The following CASD1 variants were observed in gnomAD, a reference collection of about 807,000 sequenced individuals.
CASD1 encodes N-acetylneuraminate (7)9-O-acetyltransferase.
In CASD1, 41 loss-of-function variants were observed where a neutral mutation model predicts 100.0. That is an observed-to-expected ratio of 0.41 (90% CI 0.32 to 0.53). The LOEUF is 0.53. CASD1 is among the 20% of genes least tolerant of loss of function. The probability of loss-of-function intolerance (pLI) is 0.25; values close to 1 mark genes in which losing one functional copy is unlikely to be tolerated. For synonymous variants in CASD1, 321 were observed against 315.6 expected, an observed-to-expected ratio of 1.02 and a Z score of -0.18; for missense variants, 774 against 948.7, an observed-to-expected ratio of 0.82 and a Z score of 2.42.
At chr7:94,591,254 GA>G in the CASD1 span, among the ~76,000 whole-genome samples, 6 of 152,162 alleles carry the variant, frequency 3.9e-5, no homozygotes, top group Non-Finnish European at 8.8e-5. Context: ...CTTTACTACA[GA>G]AGTCAAAATG....
the CASD1 span, among the ~76,000 whole-genome samples, chr7:94,577,671 C>G: frequency 6.6e-6 from 1 of 152,158 alleles, no homozygotes; most frequent in African/African-American, 2.4e-5. Flanking sequence ...AAATCTCATT[C>G]CCTAAGCTTT....
the CASD1 span, among the ~76,000 whole-genome samples, chr7:94,611,841 A>T: frequency 6.6e-6 from 1 of 152,206 alleles, no homozygotes; most frequent in Non-Finnish European, 1.5e-5. Context: ...TTTAAGACTC[A>T]TTTGAAAGAT....
At chr7:94,538,143 C>A (rs1795209717) in intron 9 of CASD1, among the ~76,000 whole-genome samples, 1 of 152,106 alleles carries the variant, frequency 6.6e-6, no homozygotes, top group South Asian at 2.1e-4. Context: ...AAAAAGATTT[C>A]ATGACTTAGT....
the CASD1 span, among the ~76,000 whole-genome samples, chr7:94,606,583 T>C: frequency 2.0e-5 from 3 of 152,138 alleles, no homozygotes; most frequent in Admixed American, 1.3e-4. Flanking sequence ...AGGCAGAAAA[T>C]TGGTAAAGAC....
intron 13 of CASD1, among the ~76,000 whole-genome samples, chr7:94,548,551 CTATTTT>C (rs1795792359): frequency 6.6e-6 from 1 of 151,648 alleles, no homozygotes; most frequent in Non-Finnish European, 1.5e-5. Context: ...TTGATATAAC[CTATTTT>C]TAATATGCTA....
chr7:94,510,225 GGC>G lies in CASD1; in HGVS notation c.133+9_133+10del. 1 of 1,487,344 alleles carries G rather than the reference GGC, an allele frequency of 6.7e-7. No homozygotes were observed. Among genetic ancestry groups the G allele is most frequent in the South Asian group, 1.3e-5 (1 of 78,290 alleles). The allele number at this position is 1,487,344 out of a possible 1,614,324, so 92.1% of individuals were successfully genotyped here. A position where few individuals can be genotyped will look rare whatever the true frequency, so the allele number is the denominator to read the frequency against. On this transcript the variant is annotated intron_variant, in intron 1 of 17. Coordinates refer to ENST00000297273, the MANE Select transcript of CASD1 (RefSeq NM_022900.5). ...CCTCCCGCCGCTACCGAGGTGAGCG[GGC>G]CCTCCCCTCTGCCCGGGCAGGCCGT...
the CASD1 span, chr7:94,620,221 G>A: frequency 6.6e-6 from 1 of 151,990 alleles, no homozygotes; most frequent in East Asian, 1.9e-4. Context: ...GACATTTGAT[G>A]CCTGAGATGA....
the CASD1 span, among the ~76,000 whole-genome samples, chr7:94,575,744 G>T: frequency 6.6e-6 from 1 of 151,968 alleles, no homozygotes; most frequent in African/African-American, 2.4e-5. Context: ...AAATAAGTTT[G>T]CTGGATATAA....
the CASD1 span, chr7:94,600,945 G>T: frequency 9.0e-7 from 1 of 1,108,164 alleles, no homozygotes; most frequent in Non-Finnish European, 1.3e-6. Context: ...AGCATTCTTT[G>T]ACAAATTATC....
At chr7:94,585,613 T>A in the CASD1 span, 28 of 814,202 alleles carry the variant, frequency 3.4e-5, no homozygotes, top group Non-Finnish European at 4.9e-5. Context: ...AAAGTTTCCA[T>A]CTTCTTAATA....
At chr7:94,521,379 AAAT>A (rs1469806768) in intron 3 of CASD1, among the ~76,000 whole-genome samples, 1 of 152,220 alleles carries the variant, frequency 6.6e-6, no homozygotes, top group Non-Finnish European at 1.5e-5. Context: ...TGTTTGTATA[AAAT>A]AATAATATCT....
At position 94,510,104 on chromosome 7, in the gene CASD1, A is replaced by T; in HGVS notation, c.20A>T (p.Asn7Ile). The T allele has an allele frequency of 6.5e-7, 1 of 1,528,092 alleles. No individual in the cohort carries two copies. The highest frequency in any genetic ancestry group is 8.8e-7 in the Non-Finnish European group (1 of 1,136,108). The allele number at this position is 1,528,092 out of a possible 1,614,324, so 94.7% of individuals were successfully genotyped here. A position where few individuals can be genotyped will look rare whatever the true frequency, so the allele number is the denominator to read the frequency against. Reference protein sequence around the residue: MAALAYNLGKREINHYF... With the variant: MAALAYILGKREINHYF... ...ACCAAGATGGCGGCTCTGGCCTACA[A>T]CCTGGGCAAGCGGGAGATCAACCAC... Residue 7 changes from asparagine to isoleucine, a missense_variant, in exon 1 of 18, where the codon AAC becomes ATC. Asn to Ile is a moderately radical substitution (Grantham distance 149). Around this residue, in one of 5 missense-constraint regions of CASD1, gnomAD observed 75 missense variants for 60.9 expected, o/e 1.23. Coordinates refer to ENST00000297273, the MANE Select transcript of CASD1 (RefSeq NM_022900.5).
chr7:94,620,927 A>G, the CASD1 span: 1 of 152,228 alleles, frequency 6.6e-6, no homozygotes, highest in African/African-American at 2.4e-5. Context: ...TGCCTGCTAT[A>G]TTTGGAAATC....
At chr7:94,624,206 T>C in the CASD1 span, 68 of 392,704 alleles carry the variant, frequency 1.7e-4, no homozygotes, top group South Asian at 8.6e-3. Flanking sequence ...AATCTTAGAA[T>C]CCCAGCACTA....
At chr7:94,552,678 T>C (rs942343030) in intron 16 of CASD1, among the ~76,000 whole-genome samples, 5 of 152,224 alleles carry the variant, frequency 3.3e-5, no homozygotes, top group Admixed American at 2.6e-4. Context: ...GGCTCACGCC[T>C]GTAATCCCAG....
chr7:94,534,562 T>C (rs1234665675), intron 7 of CASD1, among the ~76,000 whole-genome samples: 5 of 152,216 alleles, frequency 3.3e-5, no homozygotes, highest in African/African-American at 1.2e-4. Context: ...TGCTTGGTAA[T>C]GAAATTCTTA....
At chr7:94,591,217 T>C in the CASD1 span, among the ~76,000 whole-genome samples, 7 of 152,226 alleles carry the variant, frequency 4.6e-5, no homozygotes, top group Admixed American at 6.5e-5. Flanking sequence ...GAATAAGTTC[T>C]ACATTTAAAG....
the CASD1 span, among the ~76,000 whole-genome samples, chr7:94,633,273 C>A: frequency 6.6e-6 from 1 of 151,928 alleles, no homozygotes; most frequent in African/African-American, 2.4e-5. Flanking sequence ...AAAAGTCCAA[C>A]CCGCAAGAGG....
At chr7:94,575,666 C>G in the CASD1 span, among the ~76,000 whole-genome samples, 1 of 152,148 alleles carries the variant, frequency 6.6e-6, no homozygotes, top group Non-Finnish European at 1.5e-5. Context: ...TCTGGTAGGG[C>G]AGGCTTTCTA....
Sources: allele counts gnomAD v4.1 joint callset (sites outside exome capture counted in the v4.1 genomes callset), GRCh38; gene constraint gnomAD v4.1.1; regional missense constraint gnomAD v4.1.1; transcripts MANE v1.5; gene names NCBI Gene and HGNC (gene_info 2026-07-23, HGNC 2026-07-21).